PSD3: variants seen among roughly 807,000 people sequenced by gnomAD.
PSD3 encodes pleckstrin and Sec7 domain containing 3, also known as PH and SEC7 domain-containing protein 3.
PSD3 carries 49 observed loss-of-function variants against 105.5 expected under a neutral mutation model. The ratio of observed to expected loss-of-function variants is 0.46; its 90% CI spans 0.37 to 0.59. The LOEUF is 0.59. Among genes scored for constraint, PSD3 ranks in the 20% least tolerant of loss-of-function variants. The pLI, the probability that PSD3 is intolerant of heterozygous loss-of-function variation, is 0.00. For synonymous variants in PSD3, 557 were observed against 457.8 expected (o/e 1.22, Z -2.77); for missense variants, 1,561 against 1,263.8 (o/e 1.24, Z -3.57).
chr8:18,930,885 A>C (rs1349862183), intron 2 of PSD3, among the ~76,000 whole-genome samples: 2 of 152,202 alleles, frequency 1.3e-5, no homozygotes, highest in East Asian at 1.9e-4. Context: ...GTTTTTAAAT[A>C]ATTGGACCTT....
chr8:18,895,777 A>G (rs1819108826), intron 2 of PSD3, among the ~76,000 whole-genome samples: 1 of 152,348 alleles, frequency 6.6e-6, no homozygotes, highest in Non-Finnish European at 1.5e-5. Context: ...CTAACACCTT[A>G]AACATTTATC....
chr8:19,056,204 G>A (rs1395944173), intron 1 of PSD3, among the ~76,000 whole-genome samples: 1 of 152,170 alleles, frequency 6.6e-6, no homozygotes, highest in African/African-American at 2.4e-5. Context: ...TTTCAATGTA[G>A]AATCTATAAC....
intron 1 of PSD3, among the ~76,000 whole-genome samples, chr8:18,980,588 T>G (rs770033351): frequency 2.0e-5 from 3 of 152,160 alleles, no homozygotes; most frequent in Non-Finnish European, 4.4e-5. Context: ...TTTGTGCTAT[T>G]CATCTCATCT....
chr8:18,687,675 G>A (rs1401828388), intron 9 of PSD3, among the ~76,000 whole-genome samples: 2 of 152,084 alleles, frequency 1.3e-5, no homozygotes, highest in Non-Finnish European at 2.9e-5. Context: ...CCACGTGTGT[G>A]TGTCCACGTG....
At chr8:18,872,814 T>A in intron 2 of PSD3, 81 bp from the exon 3 acceptor site, 1 of 1,333,986 alleles carries the variant, frequency 7.5e-7, no homozygotes, top group South Asian at 1.4e-5. Flanking sequence ...TCACACAGAT[T>A]AGGCACTCAA....
At chr8:18,585,346 C>T (rs1443222638) in intron 12 of PSD3, among the ~76,000 whole-genome samples, 2 of 152,066 alleles carry the variant, frequency 1.3e-5, no homozygotes, top group Non-Finnish European at 2.9e-5. Context: ...TTGAGACAGG[C>T]TCTCACTGTC....
chr8:18,847,015 G>C (rs552573210), intron 4 of PSD3, among the ~76,000 whole-genome samples: 1 of 152,214 alleles, frequency 6.6e-6, no homozygotes, highest in East Asian at 1.9e-4. Flanking sequence ...GCCTCAATTT[G>C]TGCCTACAAT....
chr8:18,832,476 G>A (rs774489255), intron 4 of PSD3, among the ~76,000 whole-genome samples: 5 of 152,196 alleles, frequency 3.3e-5, no homozygotes, highest in East Asian at 1.9e-4. Context: ...TCCCTACGCC[G>A]CTACTTCTGC....
intron 9 of PSD3, among the ~76,000 whole-genome samples, chr8:18,737,197 G>C (rs1164625222): frequency 6.6e-6 from 1 of 152,188 alleles, no homozygotes; most frequent in Admixed American, 6.5e-5. Context: ...AATTGTCCCA[G>C]GTAGTTCTAA....
chr8:18,913,755 G>A (rs543691146), intron 2 of PSD3, among the ~76,000 whole-genome samples: 13 of 151,810 alleles, frequency 8.6e-5, no homozygotes, highest in South Asian at 8.3e-4. Flanking sequence ...AGGACTGCCC[G>A]TACAGGCCCA....
At chr8:19,031,144 G>A (rs1197710267) in intron 1 of PSD3, among the ~76,000 whole-genome samples, 1 of 152,126 alleles carries the variant, frequency 6.6e-6, no homozygotes, top group East Asian at 1.9e-4. Flanking sequence ...TCTCCTCTCT[G>A]TCTACTGTAG....
chr8:18,665,920 A>C (rs1225110774), intron 9 of PSD3, among the ~76,000 whole-genome samples: 2 of 152,250 alleles, frequency 1.3e-5, no homozygotes, highest in East Asian at 3.8e-4. Context: ...TGCCACAGTC[A>C]TATCAACCTT....
chr8:18,867,974 A>G lies in PSD3; in HGVS notation c.1334T>C (p.Phe445Ser), dbSNP rs1817070826. ...AGAAGTGTTGTCCAAAATGGTTTCA[A>G]ACTGGGAGCTGTACACGTCGGTGGA... Reference protein sequence around the residue: ...EDSTDVYSSQFETILDNTSLY... With the variant: ...EDSTDVYSSQSETILDNTSLY... Residue 445 changes from phenylalanine (F) to serine (S), a missense_variant, in exon 4 of 16, where the codon TTT becomes TCT. Transcript: ENST00000327040. The G allele has an allele frequency of 6.2e-7, 1 of 1,614,098 alleles. No individual in the cohort carries two copies.
chr8:18,682,003 CA>C (rs10612158), intron 9 of PSD3, among the ~76,000 whole-genome samples: 1,163 of 115,414 alleles, frequency 0.01, 8 homozygotes, highest in African/African-American at 0.014. Context: ...TTGCAATATT[CA>C]AAAAAAAAAA....
intron 8 of PSD3, among the ~76,000 whole-genome samples, chr8:18,789,600 GA>G (rs1387556786): frequency 1.3e-5 from 2 of 152,106 alleles, no homozygotes; most frequent in African/African-American, 4.8e-5. Context: ...TTAGAATACT[GA>G]AATATCAGAC....
rs138329478 is a variant in PSD3, at chr8:18,587,298, C to A, written c.2482-12013G>T. ...TGAGTATAGGTGGCAGCGGCAATGA[C>A]CTCTCACTCAAAGAGCTTGAAATTC... On this transcript the variant is annotated intron_variant, in intron 12 of 15. Transcript: ENST00000327040. Among the ~76,000 whole-genome samples the A allele has an allele frequency of 4.8e-4, 73 of 152,224 alleles. 2 individuals are homozygous for A. Among genetic ancestry groups the A allele is most frequent in the African/African-American group, 1.5e-3 (61 of 41,550 alleles).
intron 8 of PSD3, among the ~76,000 whole-genome samples, chr8:18,775,327 G>A (rs772103163): frequency 4.6e-5 from 7 of 152,162 alleles, no homozygotes; most frequent in Non-Finnish European, 7.3e-5. Context: ...AAACATGGGA[G>A]TGCAGACATT....
intron 1 of PSD3, among the ~76,000 whole-genome samples, chr8:18,973,421 A>G (rs1460108659): frequency 6.6e-6 from 1 of 152,152 alleles, no homozygotes; most frequent in Admixed American, 6.5e-5. Context: ...CGGCCCTCTT[A>G]CTGGCTTGGA....
intron 4 of PSD3, among the ~76,000 whole-genome samples, chr8:18,810,476 G>A (rs1457550763): frequency 6.6e-6 from 1 of 152,012 alleles, no homozygotes; most frequent in African/African-American, 2.4e-5. Flanking sequence ...ATTTTTCCCA[G>A]AACTTTAATA....
Sources: gnomAD v4.1 joint callset for allele counts (sites outside exome capture counted in the v4.1 genomes callset) on GRCh38, gnomAD v4.1.1 for gene constraint, MANE v1.5 for transcripts, NCBI Gene and HGNC (gene_info 2026-07-23, HGNC 2026-07-21) for gene names.